The following CDH13 variants were observed in gnomAD, a reference collection of about 807,000 sequenced individuals.
CDH13 encodes the protein cadherin 13, also known as cadherin-13.
CDH13 carries 24 observed loss-of-function variants against 63.8 expected under a neutral mutation model. The observed-to-expected ratio is 0.38, with a 90% CI of 0.27 to 0.53. The LOEUF (loss-of-function observed/expected upper bound fraction) is 0.53, where lower values mean the gene tolerates loss of function less well. Among genes scored for constraint, CDH13 ranks in the 20% least tolerant of loss-of-function variants. CDH13 has a pLI of 0.85. For missense variants in CDH13, 1,049 were observed against 903.1 expected (o/e 1.16, Z -2.07); for synonymous variants, 503 against 355.3 (o/e 1.42, Z -4.67).
chr16:83,073,403 C>T (rs957798628), intron 3 of CDH13, among the ~76,000 whole-genome samples: 1 of 149,044 alleles, frequency 6.7e-6, no homozygotes, highest in East Asian at 2.0e-4. Context: ...CACCATACTA[C>T]CTCCATTTTA....
chr16:83,088,283 C>G (rs1250766233), intron 3 of CDH13, among the ~76,000 whole-genome samples: 1 of 152,048 alleles, frequency 6.6e-6, no homozygotes, highest in Non-Finnish European at 1.5e-5. Context: ...TTTGTGCTTC[C>G]CTGGTGCCTT....
intron 8 of CDH13, among the ~76,000 whole-genome samples, chr16:83,618,449 C>G (rs1480838192): frequency 6.6e-6 from 1 of 151,130 alleles, no homozygotes; most frequent in African/African-American, 2.4e-5. Flanking sequence ...AAGAAAAGCA[C>G]TAGGAAGGCA....
chr16:83,178,956 T>A (rs543286770), intron 4 of CDH13, among the ~76,000 whole-genome samples: 2 of 152,318 alleles, frequency 1.3e-5, no homozygotes, highest in South Asian at 4.1e-4. Context: ...TGTTTGTGCT[T>A]CTCATTATGC....
intron 9 of CDH13, among the ~76,000 whole-genome samples, chr16:83,675,597 C>G (rs1261777858): frequency 6.6e-6 from 1 of 152,184 alleles, no homozygotes; most frequent in East Asian, 1.9e-4. Flanking sequence ...CCAGGCCTAG[C>G]TCCATGGGAA....
At chr16:83,727,876 C>A (rs1017859527) in intron 10 of CDH13, among the ~76,000 whole-genome samples, 1 of 152,128 alleles carries the variant, frequency 6.6e-6, no homozygotes, top group Non-Finnish European at 1.5e-5. Flanking sequence ...CAGCCATTCC[C>A]GCCCGCTGCT....
chr16:83,375,581 T>C (rs1033017602), intron 6 of CDH13, among the ~76,000 whole-genome samples: 2 of 152,188 alleles, frequency 1.3e-5, no homozygotes, highest in African/African-American at 4.8e-5. Flanking sequence ...GTATGTTGTA[T>C]ATTTAGCAAA....
intron 2 of CDH13, among the ~76,000 whole-genome samples, chr16:83,023,796 C>G (rs1453299764): frequency 6.6e-6 from 1 of 152,100 alleles, no homozygotes; most frequent in Non-Finnish European, 1.5e-5. Flanking sequence ...ATCACATGCA[C>G]CCTTTAATAG....
chr16:83,773,264 G>C (rs1378969119), intron 11 of CDH13, among the ~76,000 whole-genome samples: 1 of 152,218 alleles, frequency 6.6e-6, no homozygotes, highest in Non-Finnish European at 1.5e-5. Context: ...TAAAGTAAAT[G>C]CTTCAAGAAA....
chr16:83,318,241 T>G (rs2090146647), intron 5 of CDH13, among the ~76,000 whole-genome samples: 1 of 152,224 alleles, frequency 6.6e-6, no homozygotes, highest in South Asian at 2.1e-4. Flanking sequence ...GGTCTTACTG[T>G]GTTTTCCTGA....
At chr16:82,860,447 A>G (rs1196054998) in intron 2 of CDH13, among the ~76,000 whole-genome samples, 1 of 145,328 alleles carries the variant, frequency 6.9e-6, no homozygotes, top group Non-Finnish European at 1.5e-5. Flanking sequence ...TAAGTGGGTT[A>G]TGGTTGTTGC....
At chr16:82,893,608 G>A (rs927481640) in intron 2 of CDH13, among the ~76,000 whole-genome samples, 9 of 152,188 alleles carry the variant, frequency 5.9e-5, no homozygotes, top group Admixed American at 2.0e-4. Context: ...TTAGAATATG[G>A]GTTGGATATG....
chr16:83,302,249 G>T (rs1567575922), intron 5 of CDH13, among the ~76,000 whole-genome samples: 1 of 152,110 alleles, frequency 6.6e-6, no homozygotes, highest in African/African-American at 2.4e-5. Flanking sequence ...TTACTTCCCG[G>T]ATATTCATCC....
chr16:83,140,462 C>A (rs1246249630), intron 4 of CDH13, among the ~76,000 whole-genome samples: 1 of 151,614 alleles, frequency 6.6e-6, no homozygotes, highest in Non-Finnish European at 1.5e-5. Flanking sequence ...TATCTTTTTT[C>A]TTTTTTTTGA....
intron 10 of CDH13, among the ~76,000 whole-genome samples, chr16:83,746,166 A>C (rs960414022): frequency 6.6e-6 from 1 of 152,190 alleles, no homozygotes; most frequent in African/African-American, 2.4e-5. Flanking sequence ...GTTCTGGAGG[A>C]CAGAAGTCCA....
chr16:83,103,243 C>A (rs1186934625), intron 3 of CDH13, among the ~76,000 whole-genome samples: 2 of 91,228 alleles, frequency 2.2e-5, no homozygotes, highest in African/African-American at 8.3e-5. Flanking sequence ...GTTAACTGAA[C>A]TTTTTTTTTT....
intron 8 of CDH13, among the ~76,000 whole-genome samples, chr16:83,647,478 C>G (rs1244668419): frequency 6.6e-6 from 1 of 152,140 alleles, no homozygotes; most frequent in Non-Finnish European, 1.5e-5. Flanking sequence ...TAGATGTTGG[C>G]TCACTTTGGA....
At chr16:83,478,025 T>TA (rs1019218486) in intron 6 of CDH13, among the ~76,000 whole-genome samples, 20 of 151,426 alleles carry the variant, frequency 1.3e-4, no homozygotes, top group African/African-American at 4.9e-4. Context: ...ACTAAAAATA[T>TA]AAAAAATTAG....
chr16:83,643,501 T>C (rs571756597), intron 8 of CDH13, among the ~76,000 whole-genome samples: 1 of 152,344 alleles, frequency 6.6e-6, no homozygotes, highest in South Asian at 2.1e-4. Flanking sequence ...ATTTCTTTAG[T>C]CTTTGGTGAG....
chr16:82,716,841 C>T (rs1474753220), intron 1 of CDH13, among the ~76,000 whole-genome samples: 1 of 151,834 alleles, frequency 6.6e-6, no homozygotes, highest in African/African-American at 2.4e-5. Context: ...TATAGATCTT[C>T]TTTGTCCTTT....
Sources: allele counts gnomAD v4.1 joint callset (sites outside exome capture counted in the v4.1 genomes callset), GRCh38; gene constraint gnomAD v4.1.1; transcripts MANE v1.5; gene names NCBI Gene and HGNC (gene_info 2026-07-23, HGNC 2026-07-21).